Variants in SLC2A13 observed in about 807,000 individuals in gnomAD.
SLC2A13 encodes the protein solute carrier family 2 member 13.
Under a neutral mutation model 64.4 loss-of-function variants are expected in SLC2A13, and 32 were observed. That is an observed-to-expected ratio of 0.50 (90% CI 0.37 to 0.67). SLC2A13 has a LOEUF of 0.67. Ranked by LOEUF, SLC2A13 falls within the 30% of genes least tolerant of loss-of-function variation. The pLI is 0.00. For synonymous variants in SLC2A13, 338 were observed against 327.1 expected, an observed-to-expected ratio of 1.03 and a Z score of -0.36; for missense variants, 743 against 829.2, an observed-to-expected ratio of 0.90 and a Z score of 1.28.
intron 6 of SLC2A13, chr12:39,835,773 A>C (rs1424973148): frequency 1.3e-5 from 2 of 152,128 alleles, no homozygotes; most frequent in East Asian, 3.9e-4. Context: ...CAGCTCTAGA[A>C]ATCAAGGCAT....
At chr12:39,930,542 T>C (rs1945808643) in intron 4 of SLC2A13, among the ~76,000 whole-genome samples, 1 of 152,154 alleles carries the variant, frequency 6.6e-6, no homozygotes, top group Non-Finnish European at 1.5e-5. Context: ...TCAAAAATTA[T>C]ACATATTTTT....
intron 1 of SLC2A13, among the ~76,000 whole-genome samples, chr12:40,070,881 C>T (rs1161984901): frequency 6.6e-6 from 1 of 152,116 alleles, no homozygotes. Flanking sequence ...GTCATTATCT[C>T]ATTTGAAGCT....
At chr12:39,952,897 C>T (rs1946254197) in intron 3 of SLC2A13, among the ~76,000 whole-genome samples, 1 of 152,096 alleles carries the variant, frequency 6.6e-6, no homozygotes, top group South Asian at 2.1e-4. Flanking sequence ...AATACAGATA[C>T]CTGCAAGTGA....
chr12:39,948,719 TAAAG>T (rs1175279885), intron 4 of SLC2A13, among the ~76,000 whole-genome samples: 1 of 151,850 alleles, frequency 6.6e-6, no homozygotes. Flanking sequence ...TGAATTAAAA[TAAAG>T]AAAAGCATTA....
At chr12:39,955,152 T>C (rs1241262828) in intron 3 of SLC2A13, among the ~76,000 whole-genome samples, 1 of 152,160 alleles carries the variant, frequency 6.6e-6, no homozygotes, top group Non-Finnish European at 1.5e-5. Flanking sequence ...TTTAAAAGGA[T>C]TCAAGTCATA....
chr12:39,887,017 A>G (rs1944480419), intron 4 of SLC2A13, among the ~76,000 whole-genome samples: 3 of 152,222 alleles, frequency 2.0e-5, no homozygotes, highest in Non-Finnish European at 4.4e-5. Flanking sequence ...AATTAACTCA[A>G]CAGAATAGCT....
chr12:39,968,896 C>A (rs1008571670), intron 3 of SLC2A13, among the ~76,000 whole-genome samples: 2 of 151,174 alleles, frequency 1.3e-5, no homozygotes, highest in Non-Finnish European at 2.9e-5. Context: ...TGTGCTGCAC[C>A]CATTAACTCG....
At chr12:39,935,781 A>G (rs1052601994) in intron 4 of SLC2A13, among the ~76,000 whole-genome samples, 1 of 152,196 alleles carries the variant, frequency 6.6e-6, no homozygotes, top group African/African-American at 2.4e-5. Context: ...AATGGCACAC[A>G]TGAAGGCACT....
intron 3 of SLC2A13, among the ~76,000 whole-genome samples, chr12:40,010,266 A>T (rs1261205717): frequency 6.6e-6 from 1 of 152,224 alleles, no homozygotes; most frequent in Non-Finnish European, 1.5e-5. Flanking sequence ...TTGGATCTGC[A>T]AGTGAGAAAA....
chr12:39,882,648 C>T (rs908929921), intron 4 of SLC2A13, among the ~76,000 whole-genome samples: 1 of 152,158 alleles, frequency 6.6e-6, no homozygotes, highest in African/African-American at 2.4e-5. Context: ...ACCAAGAAAG[C>T]GTGAGCAATC....
intron 7 of SLC2A13, among the ~76,000 whole-genome samples, chr12:39,793,436 C>CTT (rs894295037): frequency 6.6e-6 from 1 of 152,050 alleles, no homozygotes; most frequent in Non-Finnish European, 1.5e-5. Context: ...CAATAAAAAT[C>CTT]TTAGCAATAT....
chr12:40,044,106 T>C (rs1184365929), intron 2 of SLC2A13, among the ~76,000 whole-genome samples: 2 of 152,162 alleles, frequency 1.3e-5, no homozygotes, highest in Non-Finnish European at 2.9e-5. Context: ...AACTGATGAA[T>C]AGATAAACAA....
intron 7 of SLC2A13, among the ~76,000 whole-genome samples, chr12:39,801,303 C>A: frequency 2.9e-5 from 4 of 136,538 alleles, no homozygotes; most frequent in South Asian, 2.4e-4. Flanking sequence ...TAGTGTTTCA[C>A]TTGATAAATA....
chr12:39,976,091 T>C (rs931290384), intron 3 of SLC2A13, among the ~76,000 whole-genome samples: 1 of 152,234 alleles, frequency 6.6e-6, no homozygotes, highest in African/African-American at 2.4e-5. Flanking sequence ...TTTTGTCTTC[T>C]AATGGGGCTG....
intron 4 of SLC2A13, among the ~76,000 whole-genome samples, chr12:39,891,207 A>G (rs560975498): frequency 6.7e-6 from 1 of 149,920 alleles, no homozygotes; most frequent in African/African-American, 2.5e-5. Flanking sequence ...CAGTCTCTCC[A>G]TCATTATTTC....
At chr12:40,046,906 CTT>C (rs146609362) in intron 2 of SLC2A13, among the ~76,000 whole-genome samples, 5 of 144,854 alleles carry the variant, frequency 3.5e-5, no homozygotes, top group Admixed American at 6.9e-5. Flanking sequence ...TTCTTTCTTT[CTT>C]TTTTTTTTTT....
intron 1 of SLC2A13, among the ~76,000 whole-genome samples, chr12:40,100,793 G>C (rs1939117174): frequency 6.6e-6 from 1 of 151,856 alleles, no homozygotes; most frequent in Non-Finnish European, 1.5e-5. Flanking sequence ...GTGAAACCCT[G>C]TCTCTACCAA....
intron 7 of SLC2A13, among the ~76,000 whole-genome samples, chr12:39,810,508 G>C (rs977392344): frequency 6.6e-6 from 1 of 152,000 alleles, no homozygotes; most frequent in Non-Finnish European, 1.5e-5. Flanking sequence ...GGATCTCCAG[G>C]AAAATGTCAT....
intron 7 of SLC2A13, among the ~76,000 whole-genome samples, chr12:39,801,040 G>A (rs1941770594): frequency 3.9e-5 from 1 of 25,528 alleles, no homozygotes. Flanking sequence ...GGTGGGAATT[G>A]AACAATGAGA....
Sources: gnomAD v4.1 joint callset for allele counts (sites outside exome capture counted in the v4.1 genomes callset) on GRCh38, gnomAD v4.1.1 for gene constraint, MANE v1.5 for transcripts, NCBI Gene and HGNC (gene_info 2026-07-23, HGNC 2026-07-21) for gene names.